Variants in KDM4C observed in about 807,000 individuals in gnomAD.
KDM4C encodes lysine demethylase 4C.
KDM4C carries 81 observed loss-of-function variants against 129.3 expected under a neutral mutation model. The ratio of observed to expected loss-of-function variants is 0.63; its 90% CI spans 0.52 to 0.75. The LOEUF (loss-of-function observed/expected upper bound fraction) is 0.75. Among genes scored for constraint, KDM4C ranks in the 30% least tolerant of loss-of-function variants. KDM4C has a pLI of 0.00. For missense variants in KDM4C, 1,457 were observed against 1,304.0 expected (o/e 1.12, Z -1.81); for synonymous variants, 573 against 456.1 (o/e 1.26, Z -3.26).
chr9:6,906,661 C>T (rs1280761722), intron 8 of KDM4C, among the ~76,000 whole-genome samples: 2 of 152,254 alleles, frequency 1.3e-5, no homozygotes, highest in African/African-American at 4.8e-5. Context: ...GGGCTGGTCT[C>T]GAACTCCTGG....
At chr9:6,927,658 C>T (rs1301182201) in intron 8 of KDM4C, among the ~76,000 whole-genome samples, 4 of 152,194 alleles carry the variant, frequency 2.6e-5, no homozygotes, top group African/African-American at 9.6e-5. Flanking sequence ...CTCAGTTCTG[C>T]TCTTGGGAGA....
chr9:6,725,930 T>A (rs1318750833), intron 1 of KDM4C, among the ~76,000 whole-genome samples: 1 of 144,034 alleles, frequency 6.9e-6, no homozygotes, highest in Non-Finnish European at 1.5e-5. Context: ...TTTCTTTCTT[T>A]ATTTTTTTTT....
rs147202555 is a variant in KDM4C at position 7,013,852 on chromosome 9, C to G, written c.2033C>G (p.Ser678Trp). ...WETKLDEVVT[S>W]EGKTKPLIPE... ...ACAAAATTAGATGAAGTCGTTACAT[C>G]GGAGGGAAAGACTAAGCCCCTCATA... Residue 678 changes from serine (S) to tryptophan (W), a missense_variant, in exon 14 of 22, where the codon TCG becomes TGG. Transcript: ENST00000381309. 1 of 1,613,974 alleles carries G rather than the reference C, an allele frequency of 6.2e-7. No individual in the cohort carries two copies. Among genetic ancestry groups the G allele is most frequent in the Non-Finnish European group, 8.5e-7 (1 of 1,179,892 alleles).
chr9:6,924,443 G>C (rs1822104531), intron 8 of KDM4C, among the ~76,000 whole-genome samples: 1 of 152,190 alleles, frequency 6.6e-6, no homozygotes, highest in South Asian at 2.1e-4. Context: ...AGGGCCCAGG[G>C]CTGCAGCGCT....
At chr9:6,924,141 T>G (rs1254124530) in intron 8 of KDM4C, among the ~76,000 whole-genome samples, 4 of 152,210 alleles carry the variant, frequency 2.6e-5, no homozygotes, top group Non-Finnish European at 5.9e-5. Flanking sequence ...AAAAGTTAGC[T>G]GTGGTTTTAT....
intron 12 of KDM4C, among the ~76,000 whole-genome samples, chr9:6,993,225 C>G (rs976732819): frequency 6.6e-6 from 1 of 152,070 alleles, no homozygotes; most frequent in Non-Finnish European, 1.5e-5. Context: ...TAGAATGTAT[C>G]TTTACATAAA....
chr9:6,866,564 T>C (rs1842015317), intron 5 of KDM4C, among the ~76,000 whole-genome samples: 1 of 152,256 alleles, frequency 6.6e-6, no homozygotes, highest in East Asian at 1.9e-4. Flanking sequence ...CTGCCATCGC[T>C]CTTTGTGTCT....
chr9:6,753,273 G>C (rs1459123261), upstream of KDM4C, among the ~76,000 whole-genome samples: 3 of 152,134 alleles, frequency 2.0e-5, no homozygotes, highest in Non-Finnish European at 4.4e-5. Flanking sequence ...ATTTCTGAAA[G>C]TCTTCCAACT....
chr9:6,838,935 A>T (rs1447223513), intron 4 of KDM4C, among the ~76,000 whole-genome samples: 1 of 152,210 alleles, frequency 6.6e-6, no homozygotes, highest in African/African-American at 2.4e-5. Context: ...GTTTTCTTTT[A>T]TGGAGAAAAG....
At chr9:6,969,726 A>AT (rs1334342408) in intron 8 of KDM4C, among the ~76,000 whole-genome samples, 1 of 151,934 alleles carries the variant, frequency 6.6e-6, no homozygotes, top group Non-Finnish European at 1.5e-5. Flanking sequence ...TTTATTTAAA[A>AT]TTTTTTTTCT....
chr9:6,953,446 C>T (rs1484527037), intron 8 of KDM4C, among the ~76,000 whole-genome samples: 1 of 152,202 alleles, frequency 6.6e-6, no homozygotes, highest in Non-Finnish European at 1.5e-5. Flanking sequence ...ACTTGCAATG[C>T]AATAATCTGA....
intron 4 of KDM4C, among the ~76,000 whole-genome samples, chr9:6,831,872 G>A (rs922674010): frequency 1.3e-5 from 2 of 152,254 alleles, no homozygotes; most frequent in East Asian, 1.9e-4. Flanking sequence ...TGCAAGAGAA[G>A]CTGGAAATGC....
chr9:7,041,994 C>T (rs1433032477), intron 15 of KDM4C, among the ~76,000 whole-genome samples: 2 of 151,972 alleles, frequency 1.3e-5, no homozygotes, highest in African/African-American at 4.8e-5. Flanking sequence ...ATCACAGATC[C>T]ATATTTTTTT....
intron 17 of KDM4C, among the ~76,000 whole-genome samples, chr9:7,098,977 GA>G (rs1836774736): frequency 1.6e-5 from 1 of 63,474 alleles, no homozygotes; most frequent in Non-Finnish European, 3.7e-5. Flanking sequence ...TCGATCCTCT[GA>G]CTTGCCTGCA....
At chr9:6,772,677 A>AT (rs975416360) in intron 1 of KDM4C, among the ~76,000 whole-genome samples, 9 of 106,370 alleles carry the variant, frequency 8.5e-5, no homozygotes, top group East Asian at 2.9e-4. Context: ...ATTTTCTTTG[A>AT]TTTTTTTTCT....
intron 1 of KDM4C, among the ~76,000 whole-genome samples, chr9:6,784,682 A>G (rs1196083667): frequency 6.6e-6 from 1 of 152,216 alleles, no homozygotes; most frequent in African/African-American, 2.4e-5. Context: ...TGGAGTGGTG[A>G]TCGGAATGGG....
At position 7,115,380 on chromosome 9, in the gene KDM4C, A is replaced by G. The variant is rs185075900; in HGVS notation, c.2610+11510A>G. Among the ~76,000 whole-genome samples the G allele has an allele frequency of 2.5e-3, 377 of 152,248 alleles. 1 individual carries two copies. The highest frequency in any genetic ancestry group is 8.9e-3 in the African/African-American group (369 of 41,562). On this transcript the variant is annotated intron_variant, in intron 18 of 21. Coordinates refer to ENST00000381309, the MANE Select transcript of KDM4C (RefSeq NM_015061.6). ...AATCGTCTGATAGCTTGTTAAGAAA[A>G]TTAAGTAGTGACACTAATCTCATAT... is the stretch of plus-strand genomic sequence containing the variant.
chr9:6,981,946 G>T (rs1229472685), intron 9 of KDM4C: 1 of 174,388 alleles, frequency 5.7e-6, no homozygotes, highest in African/African-American at 2.4e-5. Context: ...GAGATAACCA[G>T]TATTAACATT....
chr9:7,017,324 C>T (rs976870368), intron 15 of KDM4C, among the ~76,000 whole-genome samples: 3 of 152,154 alleles, frequency 2.0e-5, no homozygotes, highest in African/African-American at 4.8e-5. Flanking sequence ...AGTTTCTGGT[C>T]TGTACTAGGC....
Sources: gnomAD v4.1 joint callset for allele counts (sites outside exome capture counted in the v4.1 genomes callset) on GRCh38, gnomAD v4.1.1 for gene constraint, MANE v1.5 for transcripts, NCBI Gene and HGNC (gene_info 2026-07-23, HGNC 2026-07-21) for gene names.